The following RINT1 variants were observed in gnomAD, a reference collection of about 807,000 sequenced individuals.
RINT1 encodes the protein RAD50-interacting protein 1.
A neutral mutation model predicts 97.7 loss-of-function variants in RINT1; 75 were observed. That is an observed-to-expected ratio of 0.77 (90% confidence interval 0.64 to 0.93). RINT1 has a LOEUF of 0.93. RINT1 is among the 40% of genes least tolerant of loss of function. RINT1 has a pLI of 0.00. For synonymous variants in RINT1, 303 were observed against 326.3 expected (o/e 0.93, Z 0.77); for missense variants, 892 against 925.2 (o/e 0.96, Z 0.47).
At chr7:105,566,369 A>T (rs1469835268) in intron 14 of RINT1, 1 of 152,174 alleles carries the variant, frequency 6.6e-6, no homozygotes, top group Admixed American at 6.6e-5. Flanking sequence ...TTGATCTAAA[A>T]TTTATAGGCC....
Position 105,565,355 on chromosome 7 carries a change from A to G in RINT1, c.1965A>G (p.Leu655=). The G allele has an allele frequency of 1.9e-6, 3 of 1,614,226 alleles. No individual in the cohort carries two copies. The highest frequency in any genetic ancestry group is 2.5e-6 in the Non-Finnish European group (3 of 1,180,036). ...SSSACPLLLT[L]RDHLLQLEQQ... ...CGGCTTGCCCGTTGCTGCTGACGTT[A>G]CGAGACCATTTACTTCAGTTGGAGC... Residue 655 remains leucine (L), a synonymous_variant, in exon 13 of 15, where the codon TTA becomes TTG. Coordinates refer to ENST00000257700, the MANE Select transcript of RINT1 (RefSeq NM_021930.6).
chr7:105,565,772 G>GTCTA (rs1476993604), intron 14 of RINT1, 124 bp downstream of exon 14: 21 of 645,882 alleles, frequency 3.3e-5, no homozygotes, highest in Admixed American at 1.7e-4. Flanking sequence ...TTAAAACATT[G>GTCTA]TCTATCTACT....
intron 6 of RINT1, among the ~76,000 whole-genome samples, chr7:105,548,284 T>C (rs1187582836): frequency 1.3e-5 from 2 of 150,744 alleles, no homozygotes; most frequent in Non-Finnish European, 3.0e-5. Flanking sequence ...ATTAGCCTGC[T>C]TCAGCCTCCC....
At chr7:105,551,451 G>A in intron 9 of RINT1, 119 bp from the exon 10 acceptor site, 2 of 796,892 alleles carry the variant, frequency 2.5e-6, no homozygotes, top group Non-Finnish European at 3.8e-6. Flanking sequence ...CAACCAGTGG[G>A]ATATTGTAGG....
intron 10 of RINT1, among the ~76,000 whole-genome samples, chr7:105,554,389 T>A (rs910150174): frequency 6.6e-6 from 1 of 152,096 alleles, no homozygotes; most frequent in African/African-American, 2.4e-5. Flanking sequence ...TCTTTCTTTT[T>A]TAAAAAAATG....
intron 2 of RINT1, among the ~76,000 whole-genome samples, chr7:105,534,229 C>T (rs564665072): frequency 7.9e-5 from 12 of 152,226 alleles, no homozygotes; most frequent in Non-Finnish European, 1.3e-4. Context: ...GCCAAACACC[C>T]GGCTAATTTT....
chr7:105,547,806 C>G (rs1021374674), intron 6 of RINT1, among the ~76,000 whole-genome samples: 2 of 150,216 alleles, frequency 1.3e-5, no homozygotes, highest in East Asian at 3.9e-4. Flanking sequence ...CGGCTCACCA[C>G]AGCCTCCACC....
chr7:105,558,541 G>C (rs917610102), intron 11 of RINT1, among the ~76,000 whole-genome samples: 32 of 152,118 alleles, frequency 2.1e-4, no homozygotes, highest in African/African-American at 7.2e-4. Flanking sequence ...GTTTAAGAAA[G>C]ATGGCTGGGC....
At chr7:105,560,721 A>G (rs906737879) in intron 11 of RINT1, among the ~76,000 whole-genome samples, 1 of 151,734 alleles carries the variant, frequency 6.6e-6, no homozygotes, top group Admixed American at 6.6e-5. Context: ...AATGTTTTTT[A>G]TTTTGGTTTT....
At chr7:105,554,596 T>C (rs1728654) in intron 10 of RINT1, among the ~76,000 whole-genome samples, 22,921 of 151,866 alleles carry the variant, frequency 0.15, 3,038 homozygotes, top group African/African-American at 0.36. Flanking sequence ...ACGCCACTAC[T>C]GCCCGGCTAA....
At chr7:105,567,003 T>A (rs1486296733) in intron 14 of RINT1, 116 bp from the exon 15 acceptor site, 5 of 525,424 alleles carry the variant, frequency 9.5e-6, no homozygotes, top group Non-Finnish European at 1.6e-5. Context: ...ATAAATATTT[T>A]TATAGAGAAC....
intron 11 of RINT1, 92 bp downstream of exon 11, chr7:105,555,319 A>G: frequency 9.7e-7 from 1 of 1,029,042 alleles, no homozygotes; most frequent in East Asian, 2.6e-5. Flanking sequence ...TGCAAGCAAA[A>G]ATAAACATGC....
At chr7:105,541,552 C>A (rs62486993) in intron 3 of RINT1, 11,970 of 151,568 alleles carry the variant, frequency 0.079, 509 homozygotes, top group East Asian at 0.12. Flanking sequence ...CTGGGGTGGG[C>A]GGATCATGAG....
Position 105,542,476 on chromosome 7 carries a change from G to A in RINT1, c.342G>A (p.Lys114=). The stretch of plus-strand genomic sequence containing the variant: ...CCTTAAAAAATGCAGAAGAATCAAA[G>A]CAATTTCTTAATCAGTTTCTGGAGC... ...RSALKNAEES[K]QFLNQFLEQE... The change falls in exon 4 of 15, where the codon AAG becomes AAA. Residue 114 remains lysine (K), a synonymous_variant. Transcript: ENST00000257700. 3 of 1,613,832 alleles carry A rather than the reference G, an allele frequency of 1.9e-6. No individual in the cohort carries two copies. Among genetic ancestry groups the A allele is most frequent in the Non-Finnish European group, 2.5e-6 (3 of 1,179,824 alleles).
chr7:105,554,718 G>C (rs902565669), intron 10 of RINT1, among the ~76,000 whole-genome samples: 1 of 152,176 alleles, frequency 6.6e-6, no homozygotes, highest in Admixed American at 6.5e-5. Context: ...GGGATTACAG[G>C]CGTGAGCCAC....
chr7:105,536,779 T>C, intron 3 of RINT1, 30 bp downstream of exon 3: 1 of 1,354,196 alleles, frequency 7.4e-7, no homozygotes, highest in Non-Finnish European at 1.0e-6. Flanking sequence ...GAAATAATTA[T>C]CAGTGGAATA....
Position 105,565,790 on chromosome 7 carries a change from T to C in RINT1, c.2186+142T>C, listed in dbSNP as rs947626565. On this transcript the variant is annotated intron_variant, in intron 14 of 14. Coordinates refer to ENST00000257700, the MANE Select transcript of RINT1 (RefSeq NM_021930.6). Reference sequence around the variant, plus strand: ...AAACATTGTCTATCTACTGTATGCTTACAGCACAATGGGGAAACCAAGATG... The same window carrying C: ...AAACATTGTCTATCTACTGTATGCTCACAGCACAATGGGGAAACCAAGATG... The C allele has an allele frequency of 7.3e-5, 44 of 602,608 alleles. 1 individual carries two copies. In the South Asian group the frequency reaches 9.8e-4, roughly 13 times the overall value. The allele number at this position is 602,608 out of a possible 1,614,324, so 37.3% of individuals were successfully genotyped here.
At chr7:105,546,448 G>T (rs1183162061) in intron 4 of RINT1, among the ~76,000 whole-genome samples, 1 of 152,122 alleles carries the variant, frequency 6.6e-6, no homozygotes, top group Non-Finnish European at 1.5e-5. Context: ...AAGGCCTCAG[G>T]GTGGTGCTTT....
At chr7:105,547,749 C>T (rs1193362214) in intron 6 of RINT1, among the ~76,000 whole-genome samples, 22 of 102,594 alleles carry the variant, frequency 2.1e-4, no homozygotes, top group African/African-American at 6.6e-4. Context: ...GATGGAGTTT[C>T]GCTCTTGTTG....
Sources: gnomAD v4.1 joint callset for allele counts (sites outside exome capture counted in the v4.1 genomes callset) on GRCh38, gnomAD v4.1.1 for gene constraint, MANE v1.5 for transcripts, NCBI Gene and HGNC (gene_info 2026-07-23, HGNC 2026-07-21) for gene names.